Variants in PDE4A observed in about 807,000 individuals in gnomAD.
PDE4A encodes phosphodiesterase 4A.
PDE4A carries 21 observed loss-of-function variants against 73.9 expected under a neutral mutation model. The ratio of observed to expected loss-of-function variants is 0.28; its 90% CI spans 0.20 to 0.41. The LOEUF is 0.41. PDE4A is among the 10% of genes least tolerant of loss of function. PDE4A has a pLI of 1.00. For synonymous variants in PDE4A, 463 were observed against 505.4 expected (o/e 0.92, Z 1.13); for missense variants, 958 against 1,211.4 (o/e 0.79, Z 3.10).
chr19:10,453,151 TC>T lies in PDE4A; in HGVS notation c.784-1673del. On this transcript the variant is annotated intron_variant, in intron 6 of 14. Transcript: ENST00000380702. The surrounding 1 kb of genome is among the most constrained non-coding windows in gnomAD (Gnocchi z 4.6). ...GGGCCGGCCCAGGCCCCTCCGCGGC[TC>T]CCCCTTCCACTACCCACCTGCCCGG... is the stretch of plus-strand genomic sequence containing the variant. 1 of 1,431,122 alleles carries T rather than the reference TC, an allele frequency of 7.0e-7. No individual in the cohort carries two copies. The highest frequency in any genetic ancestry group is 9.2e-7 in the Non-Finnish European group (1 of 1,091,018). 88.7% of individuals were successfully genotyped at this position (1,431,122 alleles called of 1,614,324 possible). A position where few individuals can be genotyped will look rare whatever the true frequency, so the allele number is the denominator to read the frequency against.
intron 11 of PDE4A, 181 bp from the exon 12 acceptor site, chr19:10,461,345 G>C: frequency 1.1e-6 from 1 of 936,822 alleles, no homozygotes; most frequent in Non-Finnish European, 1.3e-6. Context: ...GGCAGGAGGC[G>C]GGGCTGGGGG....
chr19:10,432,639 G>C, intron 1 of PDE4A: 1 of 1,436,936 alleles, frequency 7.0e-7, no homozygotes, highest in Non-Finnish European at 9.3e-7. Flanking sequence ...CTGGGGGGGT[G>C]GGGGTGCTGA....
chr19:10,449,239 G>A (rs2043056305), intron 4 of PDE4A, 89 bp downstream of exon 4: 1 of 1,415,444 alleles, frequency 7.1e-7, no homozygotes, highest in Non-Finnish European at 9.8e-7. Context: ...ACCTCTGGCA[G>A]GCAGGTGACC....
At chr19:10,461,250 C>T (rs924758934) in intron 11 of PDE4A, 147 bp downstream of exon 11, 4 of 96,022 alleles carry the variant, frequency 4.2e-5, no homozygotes, top group Admixed American at 2.9e-4. Flanking sequence ...GGGCAGGAGG[C>T]GGGGCTGGGG....
chr19:10,467,115 G>C lies in PDE4A; in HGVS notation c.2155G>C (p.Glu719Gln), dbSNP rs1010801586. The C allele has an allele frequency of 1.2e-6, 2 of 1,614,060 alleles. No homozygotes were observed. Among genetic ancestry groups the C allele is most frequent in the Admixed American group, 3.3e-5 (2 of 59,988 alleles). The change falls in exon 15 of 15, where the codon GAA becomes CAA. Residue 719 changes from glutamate (E) to glutamine (Q), a missense_variant. Coordinates refer to ENST00000380702, the MANE Select transcript of PDE4A (RefSeq NM_001111307.2). ...FELTLEEEEE[E>Q]EISMAQIPCT... ...GCTGACGCTGGAGGAGGAAGAGGAG[G>C]AAGAAATATCAATGGCCCAGATACC...
In PDE4A at chr19:10,468,508, G is replaced by A. The variant is rs2043421391; in HGVS notation, c.*887G>A. On this transcript the variant is annotated 3_prime_UTR_variant, in exon 15 of 15. Coordinates refer to ENST00000380702, the MANE Select transcript of PDE4A (RefSeq NM_001111307.2). ...CCCCCCGCCCCCCGCCCCACTTCTAGCTGCTTCTCCTCTTGTTTCTGCCTT... is the reference window on the plus strand; with the variant it reads ...CCCCCCGCCCCCCGCCCCACTTCTAACTGCTTCTCCTCTTGTTTCTGCCTT... The A allele has an allele frequency of 9.0e-6, 1 of 110,824 alleles. No homozygotes were observed. Among genetic ancestry groups the A allele is most frequent in the Non-Finnish European group, 1.7e-5 (1 of 58,932 alleles). The allele number at this position is 110,824 out of a possible 1,614,324, so 6.9% of individuals were successfully genotyped here. A position where few individuals can be genotyped will look rare whatever the true frequency, so the allele number is the denominator to read the frequency against.
Position 10,467,265 on chromosome 19 carries a change from T to A in PDE4A, c.2305T>A (p.Ser769Thr), listed in dbSNP as rs766216170. ...GTTGGAAGTTATGGCACAGGAAGCA[T>A]CCCTGGAGGCCGAGCTGGAGGCAGT... ...ESLEVMAQEASLEAELEAVYL... is the reference protein window; with the variant it reads ...ESLEVMAQEATLEAELEAVYL... Residue 769 changes from serine to threonine, a missense_variant, in exon 15 of 15, where the codon TCC (serine) becomes ACC (threonine). By Grantham distance (58) the Ser-to-Thr change is moderately conservative (BLOSUM62 1). This residue lies in a region of PDE4A where 243 missense variants were observed against 245.9 expected (regional missense o/e 0.99). Transcript: ENST00000380702. 5 of 1,613,978 alleles carry A rather than the reference T, an allele frequency of 3.1e-6. No individual in the cohort carries two copies. The highest frequency in any genetic ancestry group is 2.2e-5 in the East Asian group (1 of 44,882).
At chr19:10,460,881 C>A in intron 10 of PDE4A, 123 bp from the exon 11 acceptor site, 1 of 1,037,438 alleles carries the variant, frequency 9.6e-7, no homozygotes, top group Non-Finnish European at 1.3e-6. Flanking sequence ...AACTTCTGGC[C>A]TTGAAGTCCT....
chr19:10,448,883 C>T (rs200887540), intron 2 of PDE4A, 34 bp from the exon 3 acceptor site: 37 of 1,612,920 alleles, frequency 2.3e-5, no homozygotes, highest in African/African-American at 8.0e-5. Context: ...TGCTTCTCTG[C>T]GGACCCCTGA....
At chr19:10,420,290 G>A (rs996003779), upstream of PDE4A, 43 of 571,346 alleles carry the variant, frequency 7.5e-5, no homozygotes, top group African/African-American at 7.8e-4. The surrounding 1 kb of genome is among the most constrained non-coding windows in gnomAD (Gnocchi z 6.0). Flanking sequence ...GTGCCTGTGC[G>A]CGCCGCGGCC....
chr19:10,467,042 G>A lies in PDE4A; in HGVS notation c.2082G>A (p.Glu694=). The A allele has an allele frequency of 6.2e-7, 1 of 1,614,186 alleles. No individual in the cohort carries two copies. Among genetic ancestry groups the A allele is most frequent in the South Asian group, 1.1e-5 (1 of 91,092 alleles). The stretch of plus-strand genomic sequence containing the variant: ...GCCCATCTCCGCCACCCGAGGAGGA[G>A]TCAAGGGGGCCAGGCCACCCACCCC... The part of the protein sequence containing the change: ...RQSPSPPPEE[E]SRGPGHPPLP... The change falls in exon 15 of 15, where the codon GAG becomes GAA. Residue 694 remains glutamate (E), a synonymous_variant. Coordinates refer to ENST00000380702, the MANE Select transcript of PDE4A (RefSeq NM_001111307.2).
intron 1 of PDE4A, among the ~76,000 whole-genome samples, chr19:10,422,776 A>T (rs895643792): frequency 6.6e-6 from 1 of 152,086 alleles, no homozygotes; most frequent in African/African-American, 2.4e-5. Context: ...TCCCAAAGGG[A>T]ACTGGAGAGA....
At chr19:10,427,166 G>A (rs1339251083) in intron 1 of PDE4A, among the ~76,000 whole-genome samples, 1 of 152,078 alleles carries the variant, frequency 6.6e-6, no homozygotes, top group Non-Finnish European at 1.5e-5. Flanking sequence ...TGGGCGCAGT[G>A]GCAAGTGCCT....
At chr19:10,455,136 C>A (rs2043150482) in intron 7 of PDE4A, among the ~76,000 whole-genome samples, 2 of 152,172 alleles carry the variant, frequency 1.3e-5, no homozygotes, top group Non-Finnish European at 2.9e-5. Flanking sequence ...CATCTGAAAT[C>A]ATCTGTGAGC....
upstream of PDE4A, chr19:10,419,054 G>GTA: frequency 3.4e-5 from 20 of 586,424 alleles, no homozygotes; most frequent in South Asian, 8.1e-5. Flanking sequence ...AAGACCGGCA[G>GTA]TCTTTTTTTT....
rs1284946178 is a variant in PDE4A at position 10,459,403 on chromosome 19, C to G, written c.1105C>G (p.Leu369Val). The G allele has an allele frequency of 6.8e-6, 11 of 1,614,128 alleles. No homozygotes were observed. The highest frequency in any genetic ancestry group is 1.3e-5 in the African/African-American group (1 of 74,944). The stretch of plus-strand genomic sequence containing the variant: ...CTCTGGCCTCCGTCTCCACCAGGAA[C>G]TGGAGAACCTGAACAAGTGGGGCCT... ...TDQEELLAQELENLNKWGLNI... is the reference protein window; with the variant it reads ...TDQEELLAQEVENLNKWGLNI... The change falls in exon 9 of 15, where the codon CTG becomes GTG. Residue 369 changes from leucine to valine, a missense_variant. Around this residue, in one of 3 missense-constraint regions of PDE4A, gnomAD observed 570 missense variants for 827.7 expected, o/e 0.69. Transcript: ENST00000380702.
rs561772324 is a variant in PDE4A, at chr19:10,424,518, G to A, written c.320+3434G>A. Among the ~76,000 whole-genome samples, 598 of 152,384 alleles carry A rather than the reference G, an allele frequency of 3.9e-3. 4 individuals carry two copies. Among genetic ancestry groups the A allele is most frequent in the African/African-American group, 0.014 (565 of 41,596 alleles). ...GACGAGGAAGGCACAGCCTGGGTGT[G>A]CGCTCCGAGCGCGGACCTGCTCCAG... is the stretch of plus-strand genomic sequence containing the variant. On this transcript the variant is annotated intron_variant, in intron 1 of 14. Transcript: ENST00000380702. The surrounding 1 kb of genome is among the most constrained non-coding windows in gnomAD (Gnocchi z 4.8).
upstream of PDE4A, chr19:10,418,830 C>G: frequency 4.1e-6 from 4 of 985,138 alleles, no homozygotes; most frequent in Non-Finnish European, 4.8e-6. Flanking sequence ...GCCCAGGACT[C>G]TCAAATATGA....
intron 1 of PDE4A, among the ~76,000 whole-genome samples, chr19:10,436,648 C>T (rs552164351): frequency 2.0e-5 from 3 of 152,320 alleles, no homozygotes; most frequent in African/African-American, 7.2e-5. Context: ...TTTCATAATG[C>T]CAGGCACACA....
Sources: gnomAD v4.1 joint callset for allele counts (sites outside exome capture counted in the v4.1 genomes callset) on GRCh38, gnomAD v4.1.1 for gene constraint, gnomAD v4.1.1 regional missense constraint, Gnocchi (gnomAD v3.1) non-coding constraint, MANE v1.5 for transcripts, NCBI Gene and HGNC (gene_info 2026-07-23, HGNC 2026-07-21) for gene names.